Variants in ZNF469 observed in about 807,000 individuals in gnomAD.
ZNF469 encodes the protein zinc finger protein 469.
A neutral mutation model predicts 1.0 loss-of-function variants in ZNF469; 1 was observed. The observed-to-expected ratio is 1.00, with a 90% CI of 0.35 to 4.73. The LOEUF (loss-of-function observed/expected upper bound fraction) is 4.73. Among genes scored for constraint, ZNF469 ranks in the 30% most tolerant of loss-of-function variants. The pLI, the probability that ZNF469 is intolerant of heterozygous loss-of-function variation, is 0.16. For missense variants in ZNF469, 6,100 were observed against 5,356.3 expected (o/e 1.14, Z -4.33); for synonymous variants, 2,703 against 2,363.4 (o/e 1.14, Z -4.17).
At chr16:88,327,149 C>G in the ZNF469 span, among the ~76,000 whole-genome samples, 1 of 152,196 alleles carries the variant, frequency 6.6e-6, no homozygotes, top group Non-Finnish European at 1.5e-5. Flanking sequence ...TAGTGTCCCT[C>G]GTACTGGCAC....
chr16:88,436,008 C>G lies in ZNF469; in HGVS notation c.8538C>G (p.Ala2846=), dbSNP rs1044538132. The G allele has an allele frequency of 7.1e-6, 11 of 1,550,144 alleles. No homozygotes were observed. The African/African-American group carries it at 1.2e-4, about 17-fold the overall frequency. ...GPTPDASGSS[A]KDPPSLFDDE... ...CTCCTGATGCCTCTGGCTCCAGTGC[C>G]AAGGATCCTCCAAGCTTGTTTGATG... is the stretch of plus-strand genomic sequence containing the variant. The change falls in exon 3 of 3, where the codon GCC becomes GCG. Residue 2846 remains alanine (A), a synonymous_variant. Coordinates refer to ENST00000565624, the MANE Select transcript of ZNF469 (RefSeq NM_001367624.2).
the ZNF469 span, chr16:88,194,229 G>T: frequency 2.0e-5 from 3 of 152,288 alleles, no homozygotes; most frequent in Non-Finnish European, 2.9e-5. Flanking sequence ...CCTGCAGGTG[G>T]CACTGCACTG....
the ZNF469 span, among the ~76,000 whole-genome samples, chr16:88,348,317 C>T: frequency 6.6e-6 from 1 of 152,166 alleles, no homozygotes; most frequent in Non-Finnish European, 1.5e-5. Flanking sequence ...GCTGTCTCCC[C>T]TGTGCGTGCC....
the ZNF469 span, among the ~76,000 whole-genome samples, chr16:88,211,949 A>T: frequency 6.6e-6 from 1 of 152,118 alleles, no homozygotes; most frequent in South Asian, 2.1e-4. Flanking sequence ...ATTCCTCCAG[A>T]TGTTTTAAAA....
the ZNF469 span, among the ~76,000 whole-genome samples, chr16:88,289,065 G>T: frequency 6.6e-6 from 1 of 152,100 alleles, no homozygotes. Context: ...TGGTGGTGAT[G>T]AGGGTGATGA....
the ZNF469 span, among the ~76,000 whole-genome samples, chr16:88,347,128 C>G: frequency 1.3e-5 from 2 of 152,138 alleles, no homozygotes; most frequent in East Asian, 3.8e-4. Flanking sequence ...GTTGGTTTTG[C>G]TTCCCTGGGA....
intron 2 of ZNF469, among the ~76,000 whole-genome samples, chr16:88,426,060 G>A (rs749999919): frequency 7.9e-5 from 12 of 152,360 alleles, no homozygotes; most frequent in East Asian, 1.9e-4. Context: ...GTCCCCAGGC[G>A]GCTGTAGTGC....
At chr16:88,281,540 TTGG>T in the ZNF469 span, among the ~76,000 whole-genome samples, 1 of 148,934 alleles carries the variant, frequency 6.7e-6, no homozygotes, top group East Asian at 2.0e-4. Context: ...TGTGCCGATG[TTGG>T]CTCACAGGTT....
At chr16:88,360,172 C>G in the ZNF469 span, among the ~76,000 whole-genome samples, 2 of 150,822 alleles carry the variant, frequency 1.3e-5, no homozygotes, top group African/African-American at 4.9e-5. Context: ...AGGTGCACAC[C>G]ATCACGCCCA....
the ZNF469 span, among the ~76,000 whole-genome samples, chr16:88,222,850 T>C: frequency 6.6e-6 from 1 of 151,812 alleles, no homozygotes; most frequent in African/African-American, 2.4e-5. Context: ...CCTTCCACCT[T>C]GGCCTCCCAA....
At chr16:88,209,412 T>C in the ZNF469 span, among the ~76,000 whole-genome samples, 24 of 152,078 alleles carry the variant, frequency 1.6e-4, no homozygotes, top group South Asian at 4.8e-3. Context: ...TGTCTCAGCC[T>C]CCCGAGTAGC....
chr16:88,128,868 C>A, the ZNF469 span, among the ~76,000 whole-genome samples: 1 of 152,132 alleles, frequency 6.6e-6, no homozygotes, highest in South Asian at 2.1e-4. Context: ...CAGAGCAGAG[C>A]GCAGGGCAGG....
At chr16:88,328,179 G>C in the ZNF469 span, among the ~76,000 whole-genome samples, 1 of 152,266 alleles carries the variant, frequency 6.6e-6, no homozygotes, top group Non-Finnish European at 1.5e-5. Context: ...CTGCTGTGCA[G>C]GCAGACGCAC....
At chr16:88,201,056 C>G in the ZNF469 span, among the ~76,000 whole-genome samples, 1 of 152,196 alleles carries the variant, frequency 6.6e-6, no homozygotes, top group Admixed American at 6.5e-5. The surrounding 1 kb of genome is among the most constrained non-coding windows in gnomAD (Gnocchi z 5.0). Flanking sequence ...GGCTGGGCCC[C>G]TCTGTGCCCC....
chr16:88,256,895 C>CTTTCTCTCTCTCTCTCTTTCT, the ZNF469 span, among the ~76,000 whole-genome samples: 3 of 51,426 alleles, frequency 5.8e-5, no homozygotes, highest in African/African-American at 2.1e-4. Flanking sequence ...CTTTTCTTTC[C>CTTTCTCTCTCTCTCTCTTTCT]TTCTTTCTTT....
chr16:88,200,532 G>A, the ZNF469 span, among the ~76,000 whole-genome samples: 2 of 152,238 alleles, frequency 1.3e-5, no homozygotes, highest in Non-Finnish European at 2.9e-5. Flanking sequence ...CTTCCCCGGA[G>A]GCCGGTCTGC....
chr16:88,421,426 G>A (rs1225674764), intron 1 of ZNF469, among the ~76,000 whole-genome samples: 5 of 152,230 alleles, frequency 3.3e-5, no homozygotes, highest in African/African-American at 9.6e-5. Flanking sequence ...CTGGCACCAA[G>A]GGGCTCTGCC....
chr16:88,277,563 G>T, the ZNF469 span, among the ~76,000 whole-genome samples: 4,867 of 103,068 alleles, frequency 0.047, 125 homozygotes, highest in Non-Finnish European at 0.058. Context: ...GGTCAGTACC[G>T]TGTAGATATC....
At chr16:88,226,553 C>T in the ZNF469 span, among the ~76,000 whole-genome samples, 1 of 152,136 alleles carries the variant, frequency 6.6e-6, no homozygotes, top group Admixed American at 6.5e-5. Context: ...GTTCCTGAAG[C>T]TTTGCAGCAC....
Sources: allele counts gnomAD v4.1 joint callset (sites outside exome capture counted in the v4.1 genomes callset), GRCh38; gene constraint gnomAD v4.1.1; non-coding constraint Gnocchi (gnomAD v3.1); transcripts MANE v1.5; gene names NCBI Gene and HGNC (gene_info 2026-07-23, HGNC 2026-07-21).